Variants in GSAP observed in about 807,000 individuals in gnomAD.
The protein encoded by GSAP is gamma-secretase activating protein.
A neutral mutation model predicts 131.7 loss-of-function variants in GSAP; 118 were observed. The observed-to-expected ratio is 0.90, with a 90% CI of 0.77 to 1.04. GSAP has a LOEUF of 1.04. GSAP is among the 50% of genes least tolerant of loss of function. The pLI, the probability that GSAP is intolerant of heterozygous loss-of-function variation, is 0.00. For synonymous variants in GSAP, 381 were observed against 363.4 expected (o/e 1.05, Z -0.55); for missense variants, 1,019 against 1,013.2 (o/e 1.01, Z -0.08).
chr7:77,380,903 T>TA (rs2151032424), intron 8 of GSAP, among the ~76,000 whole-genome samples: 1 of 152,340 alleles, frequency 6.6e-6, no homozygotes, highest in East Asian at 1.9e-4. Flanking sequence ...CCCATAGGGA[T>TA]ACTCCTGATC....
chr7:77,357,508 C>A (rs534914674), intron 14 of GSAP, among the ~76,000 whole-genome samples: 1 of 152,226 alleles, frequency 6.6e-6, no homozygotes, highest in South Asian at 2.1e-4. Context: ...TGGCCACAAG[C>A]CAAGAAATAC....
intron 18 of GSAP, 120 bp from the exon 19 acceptor site, chr7:77,349,524 T>A (rs2150826451): frequency 1.3e-6 from 1 of 749,994 alleles, no homozygotes; most frequent in East Asian, 2.6e-5. Context: ...GCTTCTAACC[T>A]CTACTTTAAA....
intron 16 of GSAP, 74 bp from the exon 17 acceptor site, chr7:77,353,715 A>G: frequency 1.2e-6 from 1 of 862,044 alleles, no homozygotes; most frequent in Non-Finnish European, 1.9e-6. Flanking sequence ...AAGTACAAAT[A>G]TACATGAATC....
chr7:77,362,739 T>A, intron 12 of GSAP, 79 bp from the exon 13 acceptor site: 1 of 787,028 alleles, frequency 1.3e-6, no homozygotes, highest in Non-Finnish European at 2.2e-6. Context: ...TTAAACTTAC[T>A]TCTATTCCTT....
In GSAP at chr7:77,381,343, A is replaced by T. The variant is rs897531074; in HGVS notation, c.538T>A (p.Phe180Ile). 6.5e-7 allele frequency: 1 copy of T among 1,527,666 alleles called. No individual in the cohort carries two copies. The highest frequency in any genetic ancestry group is 9.0e-7 in the Non-Finnish European group (1 of 1,117,310). 94.6% of individuals were successfully genotyped at this position (1,527,666 alleles called of 1,614,324 possible). ...TCTTCTTGGGCGACATGGATACGAA[A>T]TTGTTCAATATCTTTAAAAGAAAAA... The part of the protein sequence containing the change: ...LISEEKYIEQ[F>I]RIHVAQEDGN... The change falls in exon 8 of 31, where the codon TTT becomes ATT. Residue 180 changes from phenylalanine to isoleucine, a missense_variant. Coordinates refer to ENST00000257626, the MANE Select transcript of GSAP (RefSeq NM_017439.4).
chr7:77,409,042 G>A (rs150073105), intron 1 of GSAP, among the ~76,000 whole-genome samples: 32 of 152,262 alleles, frequency 2.1e-4, no homozygotes, highest in Admixed American at 5.9e-4. Context: ...CTAGGGGCAG[G>A]GCAAAGGGAT....
intron 1 of GSAP, chr7:77,415,641 G>A (rs1324796592): frequency 1.3e-5 from 2 of 152,316 alleles, no homozygotes; most frequent in East Asian, 1.9e-4. Flanking sequence ...GGCGGCCCCT[G>A]CCCTCTTGCG....
rs749979143 is a variant in GSAP, at chr7:77,382,574, A to C, written c.526T>G (p.Tyr176Asp). 7 of 1,493,212 alleles carry C rather than the reference A, an allele frequency of 4.7e-6. No individual in the cohort carries two copies. The South Asian group carries it at 6.8e-5, about 14-fold the overall frequency. 92.5% of individuals were successfully genotyped at this position (1,493,212 alleles called of 1,614,324 possible). A position where few individuals can be genotyped will look rare whatever the true frequency, so the allele number is the denominator to read the frequency against. ...NHLLLISEEK[Y>D]IEQFRIHVAQ... ...ATATTCCACCTAAAGATACACTTAC[A>C]TTTCTCTTCTGAAATCAGTAACAGA... Residue 176 changes from tyrosine to aspartate, a missense_variant and splice_region_variant, in exon 7 of 31, where the codon TAT becomes GAT. By Grantham distance (160) the Tyr-to-Asp change is radical. Transcript: ENST00000257626.
intron 12 of GSAP, among the ~76,000 whole-genome samples, chr7:77,365,610 C>T (rs557758104): frequency 2.0e-5 from 3 of 152,176 alleles, no homozygotes; most frequent in Non-Finnish European, 4.4e-5. Flanking sequence ...GTATGTACCA[C>T]ATTTTCTTTA....
chr7:77,320,603 A>G (rs2293453), intron 26 of GSAP, 122 bp downstream of exon 26: 31,171 of 660,926 alleles, frequency 0.047, 1,013 homozygotes, highest in South Asian at 0.11. Flanking sequence ...TCACAGTAAC[A>G]CCAGATACAC....
At chr7:77,330,948 T>C (rs370471468) in intron 19 of GSAP, 3 of 676,162 alleles carry the variant, frequency 4.4e-6, no homozygotes, top group South Asian at 6.5e-5. Flanking sequence ...ATTATTGATA[T>C]AATTGTACTA....
chr7:77,360,979 C>G (rs1794452488), intron 13 of GSAP, 78 bp from the exon 14 acceptor site: 14 of 806,024 alleles, frequency 1.7e-5, no homozygotes, highest in Non-Finnish European at 2.9e-5. Context: ...CTATGTAACA[C>G]ACTATATTTT....
chr7:77,397,548 T>G, intron 3 of GSAP, 133 bp from the exon 4 acceptor site: 3 of 553,008 alleles, frequency 5.4e-6, no homozygotes, highest in Non-Finnish European at 9.7e-6. Flanking sequence ...CAAACTAGTT[T>G]AGCTATGCTG....
chr7:77,407,655 A>G (rs926629317), intron 1 of GSAP, among the ~76,000 whole-genome samples: 2 of 152,244 alleles, frequency 1.3e-5, no homozygotes, highest in African/African-American at 4.8e-5. Context: ...GATGCAAAAA[A>G]AATCTGAAGC....
At chr7:77,344,379 C>A (rs1791480206) in intron 19 of GSAP, among the ~76,000 whole-genome samples, 1 of 152,142 alleles carries the variant, frequency 6.6e-6, no homozygotes, top group African/African-American at 2.4e-5. Context: ...TTACCACTTG[C>A]CCTTCTCAGA....
chr7:77,329,250 C>G, intron 21 of GSAP, 83 bp downstream of exon 21: 2 of 741,884 alleles, frequency 2.7e-6, no homozygotes, highest in Non-Finnish European at 2.2e-6. Flanking sequence ...AAGTAAACTA[C>G]TTCTATAAAA....
At chr7:77,320,970 C>T in intron 25 of GSAP, 151 bp from the exon 26 acceptor site, 1 of 630,222 alleles carries the variant, frequency 1.6e-6, no homozygotes. Context: ...ATGAATGTGA[C>T]CATCGGCCTA....
intron 3 of GSAP, among the ~76,000 whole-genome samples, chr7:77,402,200 G>C (rs979654729): frequency 6.7e-6 from 1 of 150,124 alleles, no homozygotes; most frequent in African/African-American, 2.4e-5. Context: ...TTTTTCTCTT[G>C]ATGGCACCAT....
chr7:77,321,432 T>C (rs1584241109), intron 24 of GSAP, 29 bp from the exon 25 acceptor site: 2 of 1,455,128 alleles, frequency 1.4e-6, no homozygotes, highest in Non-Finnish European at 9.7e-7. Context: ...CCATTAACCA[T>C]TGCTCCATTC....
Sources: gnomAD v4.1 joint callset for allele counts (sites outside exome capture counted in the v4.1 genomes callset) on GRCh38, gnomAD v4.1.1 for gene constraint, MANE v1.5 for transcripts, NCBI Gene and HGNC (gene_info 2026-07-23, HGNC 2026-07-21) for gene names.